Variants in ZNF536 observed in about 807,000 individuals in gnomAD.
ZNF536 encodes the protein zinc finger protein 536.
In ZNF536, 13 loss-of-function variants were observed where a neutral mutation model predicts 84.5. That is an observed-to-expected ratio of 0.15 (90% confidence interval 0.10 to 0.24). The LOEUF (loss-of-function observed/expected upper bound fraction) is 0.24. Ranked by LOEUF, ZNF536 falls within the 10% of genes least tolerant of loss-of-function variation. ZNF536 has a pLI of 1.00. For synonymous variants in ZNF536, 811 were observed against 742.5 expected (o/e 1.09, Z -1.50); for missense variants, 1,536 against 1,747.5 (o/e 0.88, Z 2.16).
chr19:30,650,477 T>C (rs563143789), intron 1 of ZNF536, among the ~76,000 whole-genome samples: 1 of 152,380 alleles, frequency 6.6e-6, no homozygotes, highest in South Asian at 2.1e-4. Flanking sequence ...TTTTGCTTTG[T>C]TTTCACAGTT....
At chr19:30,402,704 G>A (rs1397317081) in intron 1 of ZNF536, among the ~76,000 whole-genome samples, 1 of 150,176 alleles carries the variant, frequency 6.7e-6, no homozygotes, top group Non-Finnish European at 1.5e-5. Context: ...GCCGCCTCCA[G>A]AGCATCTCGA....
chr19:30,446,248 C>CAAAAAAAAAAAAA (rs1177505634), intron 2 of ZNF536, among the ~76,000 whole-genome samples: 93 of 29,034 alleles, frequency 3.2e-3, no homozygotes, highest in Admixed American at 4.7e-3. Flanking sequence ...GACACTGTCT[C>CAAAAAAAAAAAAA]AAAAAAAAAA....
At chr19:30,576,302 C>T (rs1470667469) in intron 1 of ZNF536, among the ~76,000 whole-genome samples, 3 of 152,088 alleles carry the variant, frequency 2.0e-5, no homozygotes, top group Admixed American at 1.3e-4. Flanking sequence ...GTGTCAGTGA[C>T]GATGCAGATA....
At chr19:30,486,393 C>T (rs901981746) in intron 2 of ZNF536, among the ~76,000 whole-genome samples, 16 of 152,194 alleles carry the variant, frequency 1.1e-4, no homozygotes, top group African/African-American at 3.9e-4. Context: ...AGGGTAATGG[C>T]ATCCAGCTCC....
At chr19:30,569,853 C>T (rs1426903431) in intron 1 of ZNF536, among the ~76,000 whole-genome samples, 2 of 152,004 alleles carry the variant, frequency 1.3e-5, no homozygotes, top group Admixed American at 6.5e-5. Flanking sequence ...ATTACAGAGC[C>T]ACTGTACCCG....
intron 2 of ZNF536, chr19:30,300,798 G>A (rs1050736371): frequency 2.0e-5 from 3 of 152,208 alleles, no homozygotes; most frequent in South Asian, 4.1e-4. Flanking sequence ...TGATCGCAAC[G>A]GGGGGAGCCT....
rs141084237 is a variant in ZNF536 at position 30,628,041 on chromosome 19, T to G, written c.169+78527T>G. 1.1e-4 allele frequency among the ~76,000 whole-genome samples: 16 copies of G among 152,310 alleles called. No individual in the cohort carries two copies. In the East Asian group the frequency reaches 3.1e-3, roughly 29 times the overall value. On this transcript the variant is annotated intron_variant, in intron 1 of 1. Coordinates refer to the ZNF536 transcript ENST00000592773. ...GAGGGCTTGGAAACTGTGGCTGTCATGTCACACAGACAGACGGGAATGCAG... is the reference window on the plus strand; with the variant it reads ...GAGGGCTTGGAAACTGTGGCTGTCAGGTCACACAGACAGACGGGAATGCAG...
intron 2 of ZNF536, among the ~76,000 whole-genome samples, chr19:30,314,666 G>A (rs892856263): frequency 6.6e-6 from 1 of 152,126 alleles, no homozygotes; most frequent in African/African-American, 2.4e-5. Flanking sequence ...CTCTGATCCC[G>A]GCTCGCTGGG....
intron 1 of ZNF536, among the ~76,000 whole-genome samples, chr19:30,670,565 G>GC (rs1199464707): frequency 6.6e-6 from 1 of 152,226 alleles, no homozygotes; most frequent in East Asian, 1.9e-4. Flanking sequence ...TGGACACTGA[G>GC]CTCCCCCGCA....
At chr19:30,317,371 C>A (rs549336642) in intron 2 of ZNF536, among the ~76,000 whole-genome samples, 5 of 152,208 alleles carry the variant, frequency 3.3e-5, no homozygotes, top group African/African-American at 4.8e-5. Flanking sequence ...ATTAGGAGAG[C>A]CCCTTGCAGG....
Position 30,534,995 on chromosome 19 carries a change from C to A in ZNF536, c.2319C>A (p.His773Gln). The A allele has an allele frequency of 6.2e-7, 1 of 1,611,084 alleles. No individual in the cohort carries two copies. The highest frequency in any genetic ancestry group is 8.5e-7 in the Non-Finnish European group (1 of 1,178,504). ...ACCTTAAGGTGCACCTGAGGATACACACAGGTGAGAAGTCTGAGTGCATCC... is the reference window on the plus strand; with the variant it reads ...ACCTTAAGGTGCACCTGAGGATACAAACAGGTGAGAAGTCTGAGTGCATCC... ...SHHLKVHLRI[H>Q]TGEKPYKCPH... The change falls in exon 3 of 5, where the codon CAC becomes CAA. Residue 773 changes from histidine (H) to glutamine (Q), a missense_variant. Physicochemically the swap from His to Gln is conservative, Grantham distance 24 (BLOSUM62 0). Around this residue, in one of 8 missense-constraint regions of ZNF536, gnomAD observed 148 missense variants for 205.4 expected, o/e 0.72. Transcript: ENST00000355537.
chr19:30,603,626 A>G (rs2047769221), intron 1 of ZNF536, among the ~76,000 whole-genome samples: 1 of 152,220 alleles, frequency 6.6e-6, no homozygotes, highest in South Asian at 2.1e-4. Flanking sequence ...AAGGAAAACA[A>G]GGAGGGGGCA....
chr19:30,602,588 T>A (rs188950382), intron 1 of ZNF536, among the ~76,000 whole-genome samples: 67 of 152,280 alleles, frequency 4.4e-4, no homozygotes, highest in Non-Finnish European at 4.4e-5. Context: ...AAAGCTCAGG[T>A]CCCATGGCCT....
At chr19:30,451,330 G>T (rs2052597820) in intron 2 of ZNF536, among the ~76,000 whole-genome samples, 2 of 152,252 alleles carry the variant, frequency 1.3e-5, no homozygotes, top group African/African-American at 2.4e-5. Flanking sequence ...TCCTTCCCCG[G>T]AGCCGGATGC....
chr19:30,498,448 T>TG (rs1350891087), intron 2 of ZNF536, among the ~76,000 whole-genome samples: 1 of 150,812 alleles, frequency 6.6e-6, no homozygotes, highest in Non-Finnish European at 1.5e-5. Flanking sequence ...GGGAGTGGGG[T>TG]GGGGGGACGG....
At chr19:30,693,020 G>T (rs1302589342) in intron 1 of ZNF536, among the ~76,000 whole-genome samples, 1 of 149,710 alleles carries the variant, frequency 6.7e-6, no homozygotes, top group South Asian at 2.2e-4. Context: ...CAAAACCTGG[G>T]GGGGAGAGAG....
At chr19:30,427,493 A>G (rs2051266965) in intron 1 of ZNF536, among the ~76,000 whole-genome samples, 1 of 152,168 alleles carries the variant, frequency 6.6e-6, no homozygotes, top group South Asian at 2.1e-4. Flanking sequence ...AAGTGGAAAA[A>G]GCCTGGCATT....
rs553387337 is a variant in ZNF536, at chr19:30,380,027, G to A, written c.-3+7471G>A. On this transcript the variant is annotated intron_variant, in intron 1 of 4. Coordinates refer to ENST00000355537, the MANE Select transcript of ZNF536 (RefSeq NM_014717.3). ...GGCCAGTGATGGAGCAGGGACTTCT[G>A]AGCCCAGGCCACCACCGCCGAGGAC... 2.0e-5 allele frequency among the ~76,000 whole-genome samples: 3 copies of A among 152,258 alleles called. No homozygotes were observed. The South Asian group carries it at 6.2e-4, about 32-fold the overall frequency.
upstream of ZNF536, among the ~76,000 whole-genome samples, chr19:30,228,095 G>A (rs912108512): frequency 6.6e-6 from 1 of 152,000 alleles, no homozygotes; most frequent in African/African-American, 2.4e-5. The surrounding 1 kb of genome is among the most constrained non-coding windows in gnomAD (Gnocchi z 4.5). Flanking sequence ...GGTGAGACTG[G>A]GAACGCGCTG....
Sources: gnomAD v4.1 joint callset for allele counts (sites outside exome capture counted in the v4.1 genomes callset) on GRCh38, gnomAD v4.1.1 for gene constraint, gnomAD v4.1.1 regional missense constraint, Gnocchi (gnomAD v3.1) non-coding constraint, MANE v1.5 for transcripts, NCBI Gene and HGNC (gene_info 2026-07-23, HGNC 2026-07-21) for gene names.